The following NAV2 variants were observed in gnomAD, a reference collection of about 807,000 sequenced individuals.
The protein encoded by NAV2 is helicase, APC down-regulated 1.
NAV2 carries 54 observed loss-of-function variants against 223.2 expected under a neutral mutation model. That is an observed-to-expected ratio of 0.24 (90% CI 0.19 to 0.30). The LOEUF is 0.30. Ranked by LOEUF, NAV2 falls within the 10% of genes least tolerant of loss-of-function variation. The pLI, the probability that NAV2 is intolerant of heterozygous loss-of-function variation, is 1.00. For missense variants in NAV2, 2,806 were observed against 3,147.5 expected (o/e 0.89, Z 2.60); for synonymous variants, 1,279 against 1,239.3 (o/e 1.03, Z -0.67).
chr11:19,666,510 G>A (rs2048413988), intron 1 of NAV2, among the ~76,000 whole-genome samples: 1 of 151,972 alleles, frequency 6.6e-6, no homozygotes, highest in Non-Finnish European at 1.5e-5. Context: ...TCAAGTGTGG[G>A]TGGCCTGAGC....
intron 2 of NAV2, among the ~76,000 whole-genome samples, chr11:19,834,121 G>A (rs998585685): frequency 3.9e-4 from 59 of 152,194 alleles, no homozygotes; most frequent in African/African-American, 1.4e-3. Context: ...CAAAGTGCAG[G>A]CATCATTAGG....
chr11:19,619,446 A>G (rs1355734754), intron 1 of NAV2, among the ~76,000 whole-genome samples: 1 of 152,028 alleles, frequency 6.6e-6, no homozygotes, highest in Non-Finnish European at 1.5e-5. Context: ...TTTGATGATC[A>G]CCATTCTAAC....
intron 33 of NAV2, 33 bp downstream of exon 33, chr11:20,103,442 G>A (rs200237696): frequency 3.2e-5 from 52 of 1,601,736 alleles, no homozygotes; most frequent in Middle Eastern, 1.7e-4. Context: ...ATAGCCCCCC[G>A]GGAGAGAGTG....
chr11:19,934,000 G>T lies in NAV2; in HGVS notation c.1756G>T (p.Gly586Trp), dbSNP rs759802861. 1 of 1,594,792 alleles carries T rather than the reference G, an allele frequency of 6.3e-7. No individual in the cohort carries two copies. The highest frequency in any genetic ancestry group is 1.8e-5 in the Admixed American group (1 of 56,074). ...SPSAPAPSKE[G>W]ERSRSGKLSS... The stretch of plus-strand genomic sequence containing the variant: ...AAGTGCCCCAGCGCCTTCCAAGGAA[G>T]GGGAGCGGAGCCGGAGTGGGAAGCT... The change falls in exon 7 of 38, where the codon GGG (glycine) becomes TGG (tryptophan). Residue 586 changes from glycine to tryptophan, a missense_variant. Around this residue, in one of 4 missense-constraint regions of NAV2, gnomAD observed 1,167 missense variants for 1,180.5 expected, o/e 0.99. Coordinates refer to ENST00000349880, the MANE Select transcript of NAV2 (RefSeq NM_145117.5). The surrounding 1 kb of genome is among the most constrained non-coding windows in gnomAD (Gnocchi z 4.3).
intron 2 of NAV2, among the ~76,000 whole-genome samples, chr11:19,836,698 T>C (rs1000602519): frequency 4.6e-5 from 7 of 152,232 alleles, no homozygotes; most frequent in Non-Finnish European, 8.8e-5. Context: ...GGTGAAGAGT[T>C]GGAATCCTTC....
chr11:19,350,255 A>T (rs914973084), upstream of NAV2, among the ~76,000 whole-genome samples: 1 of 152,168 alleles, frequency 6.6e-6, no homozygotes, highest in Non-Finnish European at 1.5e-5. Flanking sequence ...TTGGAAAACG[A>T]TCATCGGCTG....
intron 1 of NAV2, among the ~76,000 whole-genome samples, chr11:19,481,073 A>G (rs1439361242): frequency 6.6e-6 from 1 of 152,158 alleles, no homozygotes; most frequent in Non-Finnish European, 1.5e-5. Context: ...GGTAGGTTTT[A>G]GGGGACAGAT....
intron 1 of NAV2, among the ~76,000 whole-genome samples, chr11:19,733,478 C>T (rs1343156326): frequency 3.3e-5 from 5 of 152,168 alleles, no homozygotes; most frequent in African/African-American, 1.2e-4. Flanking sequence ...CAGTGGAAGG[C>T]ATGTGCTTGC....
chr11:19,870,116 A>G (rs1248973533), intron 4 of NAV2, among the ~76,000 whole-genome samples: 2 of 152,172 alleles, frequency 1.3e-5, no homozygotes, highest in Non-Finnish European at 2.9e-5. Flanking sequence ...AGGCACGGCC[A>G]CACTGCTTCC....
chr11:19,467,771 C>T (rs1852420757), intron 1 of NAV2, among the ~76,000 whole-genome samples: 2 of 152,328 alleles, frequency 1.3e-5, no homozygotes, highest in East Asian at 3.9e-4. Context: ...GAGATGAACT[C>T]CCTGTCCTTA....
intron 1 of NAV2, among the ~76,000 whole-genome samples, chr11:19,658,886 T>C (rs940710808): frequency 1.3e-5 from 2 of 152,188 alleles, no homozygotes; most frequent in African/African-American, 2.4e-5. Flanking sequence ...GGTGCTCAGC[T>C]GGAGGCACAG....
intron 1 of NAV2, among the ~76,000 whole-genome samples, chr11:19,538,891 T>TTATATATATATATA (rs57662236): frequency 1.3e-4 from 19 of 146,500 alleles, no homozygotes; most frequent in African/African-American, 4.8e-4. Context: ...TAATGACATT[T>TTATATATATATATA]TATATATATA....
At chr11:19,945,158 T>G (rs2046813839) in intron 8 of NAV2, among the ~76,000 whole-genome samples, 1 of 11,750 alleles carries the variant, frequency 8.5e-5, no homozygotes, top group Non-Finnish European at 2.2e-4. Flanking sequence ...TCTGTCTCCC[T>G]TCCCTTCCCT....
intron 6 of NAV2, among the ~76,000 whole-genome samples, chr11:19,901,056 G>GGT (rs1295459327): frequency 6.6e-6 from 1 of 152,152 alleles, no homozygotes; most frequent in Non-Finnish European, 1.5e-5. Context: ...TGTCTCTCAA[G>GGT]GTGTGATTCA....
In NAV2 at chr11:19,677,531, G is replaced by C. The variant is rs149028596; in HGVS notation, c.76-154953G>C. 2.9e-3 allele frequency among the ~76,000 whole-genome samples: 435 copies of C among 152,386 alleles called. 1 individual carries two copies. Among genetic ancestry groups the C allele is most frequent in the African/African-American group, 0.01 (419 of 41,584 alleles). On this transcript the variant is annotated intron_variant, in intron 1 of 37. Coordinates refer to the NAV2 transcript ENST00000360655. Reference sequence around the variant, plus strand: ...GGCCTTGCCCAAAGTCACACAGCTTGTCAGTCATAGACTTATTGCATTTTC... The same window carrying C: ...GGCCTTGCCCAAAGTCACACAGCTTCTCAGTCATAGACTTATTGCATTTTC...
At chr11:19,996,471 G>C (rs1213673565) in intron 11 of NAV2, among the ~76,000 whole-genome samples, 1 of 152,198 alleles carries the variant, frequency 6.6e-6, no homozygotes, top group East Asian at 1.9e-4. Flanking sequence ...CTATTGCTGA[G>C]GGAATTCTAT....
chr11:19,535,644 A>C (rs1267369573), intron 1 of NAV2, among the ~76,000 whole-genome samples: 1 of 152,202 alleles, frequency 6.6e-6, no homozygotes, highest in Non-Finnish European at 1.5e-5. Context: ...ATTATCTCTC[A>C]GCGGTTTCTT....
At chr11:19,914,935 T>C (rs2043670353) in intron 6 of NAV2, among the ~76,000 whole-genome samples, 1 of 152,246 alleles carries the variant, frequency 6.6e-6, no homozygotes, top group African/African-American at 2.4e-5. Flanking sequence ...ATTCCAGCCT[T>C]CTGCTATATT....
At chr11:19,623,959 T>A (rs567518262) in intron 1 of NAV2, among the ~76,000 whole-genome samples, 269 of 152,356 alleles carry the variant, frequency 1.8e-3, no homozygotes, top group African/African-American at 6.2e-3. Context: ...GTGGATGTCC[T>A]TTCTGTTTGT....
Sources: allele counts gnomAD v4.1 joint callset (sites outside exome capture counted in the v4.1 genomes callset), GRCh38; gene constraint gnomAD v4.1.1; regional missense constraint gnomAD v4.1.1; non-coding constraint Gnocchi (gnomAD v3.1); transcripts MANE v1.5; gene names NCBI Gene and HGNC (gene_info 2026-07-23, HGNC 2026-07-21).